Variants in DPYD observed in about 807,000 individuals in gnomAD.
DPYD encodes the protein dihydropyrimidine dehydrogenase.
A neutral mutation model predicts 116.2 loss-of-function variants in DPYD; 109 were observed. The ratio of observed to expected loss-of-function variants is 0.94; its 90% CI spans 0.80 to 1.10. DPYD has a LOEUF of 1.10. DPYD is among the 50% of genes least tolerant of loss of function. DPYD has a pLI of 0.00. For synonymous variants in DPYD, 440 were observed against 432.0 expected, an observed-to-expected ratio of 1.02 and a Z score of -0.23; for missense variants, 1,302 against 1,254.5, an observed-to-expected ratio of 1.04 and a Z score of -0.57.
chr1:97,779,723 G>A (rs1307843391), intron 3 of DPYD, among the ~76,000 whole-genome samples: 1 of 151,992 alleles, frequency 6.6e-6, no homozygotes, highest in Admixed American at 6.6e-5. Flanking sequence ...ATTTTGTACA[G>A]TATTATCACT....
chr1:97,080,168 A>T (rs1273732132), intron 22 of DPYD, among the ~76,000 whole-genome samples: 1 of 152,032 alleles, frequency 6.6e-6, no homozygotes, highest in Admixed American at 6.6e-5. Context: ...AAAAAATACA[A>T]GAGTTTTACT....
chr1:97,578,623 C>T (rs1653433454), intron 10 of DPYD, among the ~76,000 whole-genome samples: 1 of 152,088 alleles, frequency 6.6e-6, no homozygotes, highest in South Asian at 2.1e-4. Context: ...CCAAGAATAA[C>T]AACTGTAGTA....
In DPYD at chr1:97,298,840, A is replaced by G. The variant is rs886798359; in HGVS notation, c.2299+6419T>C. Among the ~76,000 whole-genome samples, 7 of 152,068 alleles carry G rather than the reference A, an allele frequency of 4.6e-5. No individual in the cohort carries two copies. In the East Asian group the frequency reaches 1.2e-3, roughly 25 times the overall value. ...GTCGAGTGATTGATAGCCTAATCCA[A>G]TGACTGTATTACAGCTGCCTCAACT... is the stretch of plus-strand genomic sequence containing the variant. On this transcript the variant is annotated intron_variant, in intron 18 of 22. Transcript: ENST00000370192.
intron 14 of DPYD, among the ~76,000 whole-genome samples, chr1:97,443,819 A>G (rs957432627): frequency 6.6e-6 from 1 of 152,240 alleles, no homozygotes; most frequent in Admixed American, 6.5e-5. Flanking sequence ...AATTATAAAA[A>G]CTTCAAAGAA....
At chr1:97,633,589 A>C (rs1462707658) in intron 8 of DPYD, among the ~76,000 whole-genome samples, 1 of 152,076 alleles carries the variant, frequency 6.6e-6, no homozygotes, top group Admixed American at 6.6e-5. Context: ...GGGAAAAAAA[A>C]CCAAAAAACT....
At chr1:97,669,964 G>GT (rs1488166308) in intron 8 of DPYD, among the ~76,000 whole-genome samples, 1 of 152,130 alleles carries the variant, frequency 6.6e-6, no homozygotes, top group Non-Finnish European at 1.5e-5. Flanking sequence ...GATAAGAGCT[G>GT]TGTGGTTTGT....
chr1:97,733,977 G>A (rs540723066), intron 4 of DPYD, among the ~76,000 whole-genome samples: 159 of 152,062 alleles, frequency 1.0e-3, no homozygotes, highest in Non-Finnish European at 1.4e-3. Context: ...TGCCTGCACT[G>A]AGTTATCCTT....
intron 14 of DPYD, among the ~76,000 whole-genome samples, chr1:97,445,356 CA>C (rs1476417862): frequency 6.6e-6 from 1 of 152,218 alleles, no homozygotes; most frequent in African/African-American, 2.4e-5. Flanking sequence ...GTCTCCACTG[CA>C]AAGTGAACAT....
intron 16 of DPYD, among the ~76,000 whole-genome samples, chr1:97,329,397 C>T (rs375987048): frequency 1.3e-5 from 2 of 151,974 alleles, no homozygotes; most frequent in African/African-American, 4.8e-5. Flanking sequence ...GTATTTAATC[C>T]TGTATTAAAG....
At chr1:97,261,977 A>T (rs1557981687) in intron 18 of DPYD, among the ~76,000 whole-genome samples, 2 of 151,306 alleles carry the variant, frequency 1.3e-5, no homozygotes, top group African/African-American at 2.4e-5. Flanking sequence ...TACTGCCTGA[A>T]TTTTTTTTTG....
intron 1 of DPYD, among the ~76,000 whole-genome samples, chr1:97,889,569 T>C (rs1186111253): frequency 6.6e-6 from 1 of 151,866 alleles, no homozygotes; most frequent in Non-Finnish European, 1.5e-5. Flanking sequence ...ACCAGGAAAA[T>C]ATAACAATTA....
chr1:97,840,734 G>T (rs1558001363), intron 2 of DPYD, among the ~76,000 whole-genome samples: 1 of 152,038 alleles, frequency 6.6e-6, no homozygotes, highest in Non-Finnish European at 1.5e-5. Context: ...ACTGCATCTA[G>T]GCCTGGCCAC....
intron 10 of DPYD, 55 bp downstream of exon 10, chr1:97,593,163 A>G: frequency 6.3e-7 from 1 of 1,578,006 alleles, no homozygotes; most frequent in Non-Finnish European, 8.7e-7. Flanking sequence ...TAACAGTTTC[A>G]TCTCCTAAAA....
At chr1:97,086,157 G>T (rs893023741) in intron 21 of DPYD, among the ~76,000 whole-genome samples, 1 of 152,028 alleles carries the variant, frequency 6.6e-6, no homozygotes, top group Non-Finnish European at 1.5e-5. Flanking sequence ...GGGTTCAAGC[G>T]ATTCTCCTCC....
intron 8 of DPYD, among the ~76,000 whole-genome samples, chr1:97,632,273 C>CTA (rs917674323): frequency 1.3e-5 from 2 of 152,072 alleles, no homozygotes; most frequent in Non-Finnish European, 2.9e-5. Context: ...GTCGCACATG[C>CTA]TATACATCAA....
At chr1:97,888,865 A>G (rs1304091173) in intron 1 of DPYD, among the ~76,000 whole-genome samples, 1 of 152,128 alleles carries the variant, frequency 6.6e-6, no homozygotes, top group African/African-American at 2.4e-5. Context: ...GAATTACTAA[A>G]GGAAGTTCTT....
At chr1:97,405,934 G>A (rs898510993) in intron 14 of DPYD, among the ~76,000 whole-genome samples, 1 of 152,124 alleles carries the variant, frequency 6.6e-6, no homozygotes, top group African/African-American at 2.4e-5. Flanking sequence ...CCTGCCAGAA[G>A]CAGCGGGGGA....
At chr1:97,481,460 A>G (rs997209994) in intron 13 of DPYD, among the ~76,000 whole-genome samples, 6 of 152,186 alleles carry the variant, frequency 3.9e-5, no homozygotes, top group African/African-American at 1.4e-4. Context: ...TCTATTCTAG[A>G]GAAATTATAG....
chr1:97,232,567 G>A (rs1661652459), intron 19 of DPYD, among the ~76,000 whole-genome samples: 1 of 151,868 alleles, frequency 6.6e-6, no homozygotes, highest in Non-Finnish European at 1.5e-5. Flanking sequence ...TTCCCTGAGG[G>A]CTGTTTTCAT....
Sources: allele counts gnomAD v4.1 joint callset (sites outside exome capture counted in the v4.1 genomes callset), GRCh38; gene constraint gnomAD v4.1.1; transcripts MANE v1.5; gene names NCBI Gene and HGNC (gene_info 2026-07-23, HGNC 2026-07-21).